The following NR6A1 variants were observed in gnomAD, a reference collection of about 807,000 sequenced individuals.
NR6A1 encodes the protein retinoic acid receptor-related testis-associated receptor.
In NR6A1, 7 loss-of-function variants were observed where a neutral mutation model predicts 59.1. The ratio of observed to expected loss-of-function variants is 0.12; its 90% CI spans 0.07 to 0.22. The LOEUF (loss-of-function observed/expected upper bound fraction) is 0.22. NR6A1 is among the 10% of genes least tolerant of loss of function. The pLI, the probability that NR6A1 is intolerant of heterozygous loss-of-function variation, is 1.00. For synonymous variants in NR6A1, 243 were observed against 236.1 expected (o/e 1.03, Z -0.27); for missense variants, 468 against 611.6 (o/e 0.77, Z 2.48).
intron 1 of NR6A1, among the ~76,000 whole-genome samples, chr9:124,767,631 C>T (rs1215158516): frequency 1.3e-5 from 2 of 151,666 alleles, no homozygotes; most frequent in African/African-American, 4.8e-5. Context: ...TGGGGCAACT[C>T]AGAATTAACT....
intron 2 of NR6A1, among the ~76,000 whole-genome samples, chr9:124,691,343 G>T (rs1838538075): frequency 6.6e-6 from 1 of 152,128 alleles, no homozygotes; most frequent in Admixed American, 6.5e-5. Context: ...CCATTTGGCT[G>T]CTTTAAAAAT....
Position 124,554,416 on chromosome 9 carries a change from G to C in NR6A1, c.297C>G (p.Asp99Glu). The C allele has an allele frequency of 6.2e-7, 1 of 1,614,170 alleles. No homozygotes were observed. Among genetic ancestry groups the C allele is most frequent in the African/African-American group, 1.3e-5 (1 of 75,038 alleles). ...CNKRVYRCSR[D>E]KNCVMSRKQR... is the part of the protein sequence containing the mutation. ...GCTTCCGAGACATGACACAGTTCTT[G>C]TCACGACTGCATCGATATACCCGTT... The change falls in exon 3 of 10, where the codon GAC (aspartate) becomes GAG (glutamate). Residue 99 changes from aspartate to glutamate, a missense_variant. By Grantham distance (45) the Asp-to-Glu change is conservative (BLOSUM62 2). Transcript: ENST00000487099.
chr9:124,545,698 G>T (rs1018094224), intron 3 of NR6A1, among the ~76,000 whole-genome samples: 1 of 152,160 alleles, frequency 6.6e-6, no homozygotes, highest in African/African-American at 2.4e-5. Flanking sequence ...TGTATTAATA[G>T]TTCGGCTGTT....
intron 2 of NR6A1, among the ~76,000 whole-genome samples, chr9:124,568,338 T>C (rs1834336637): frequency 6.6e-6 from 1 of 151,460 alleles, no homozygotes; most frequent in Non-Finnish European, 1.5e-5. Flanking sequence ...ATACAAAAAA[T>C]GAGCCGGGTG....
At chr9:124,750,022 T>C (rs1840450420) in intron 1 of NR6A1, among the ~76,000 whole-genome samples, 2 of 152,130 alleles carry the variant, frequency 1.3e-5, no homozygotes, top group Non-Finnish European at 2.9e-5. Context: ...GACCATACTA[T>C]TCAAAAAGTA....
chr9:124,615,896 A>T (rs1475253402), intron 2 of NR6A1, among the ~76,000 whole-genome samples: 1 of 151,954 alleles, frequency 6.6e-6, no homozygotes, highest in Non-Finnish European at 1.5e-5. Flanking sequence ...GTGCAGTGGC[A>T]CAATCTCCGC....
chr9:124,715,113 G>A (rs769747215), intron 2 of NR6A1, among the ~76,000 whole-genome samples: 12 of 151,532 alleles, frequency 7.9e-5, no homozygotes, highest in Non-Finnish European at 1.8e-4. Flanking sequence ...CAGGAGAATC[G>A]CTTGAACCCA....
At chr9:124,569,318 G>A (rs898814736) in intron 2 of NR6A1, among the ~76,000 whole-genome samples, 6 of 152,238 alleles carry the variant, frequency 3.9e-5, no homozygotes, top group Non-Finnish European at 8.8e-5. Flanking sequence ...TTACAAAAAG[G>A]CTTCATACTC....
At chr9:124,730,225 T>C (rs1839843736) in intron 2 of NR6A1, among the ~76,000 whole-genome samples, 1 of 152,210 alleles carries the variant, frequency 6.6e-6, no homozygotes, top group Admixed American at 6.5e-5. Flanking sequence ...ATACGCTAAG[T>C]ACAAATTTTT....
intron 2 of NR6A1, among the ~76,000 whole-genome samples, chr9:124,556,265 TAA>T (rs1208172924): frequency 6.6e-6 from 1 of 151,998 alleles, no homozygotes; most frequent in East Asian, 1.9e-4. Flanking sequence ...GAAGATCTGA[TAA>T]AGATAGTAGA....
At chr9:124,544,863 G>A (rs1833552097) in intron 3 of NR6A1, among the ~76,000 whole-genome samples, 1 of 152,160 alleles carries the variant, frequency 6.6e-6, no homozygotes, top group African/African-American at 2.4e-5. Context: ...GGGCACTGTG[G>A]TCATATTGGG....
At chr9:124,639,115 A>G (rs1836701522) in intron 2 of NR6A1, among the ~76,000 whole-genome samples, 1 of 152,180 alleles carries the variant, frequency 6.6e-6, no homozygotes, top group South Asian at 2.1e-4. Flanking sequence ...AACAAACTCT[A>G]TGGAACAAGT....
chr9:124,593,448 G>C (rs1237437058), intron 2 of NR6A1, among the ~76,000 whole-genome samples: 2 of 152,098 alleles, frequency 1.3e-5, no homozygotes, highest in Non-Finnish European at 2.9e-5. Context: ...GGGGGAGAGA[G>C]AGAAGAAAAA....
rs80014383 is a variant in NR6A1, at chr9:124,703,207, ATT to A, written c.142+30099_142+30100del. ...GGCGTGAGCCACCACACACGGCCACATTTTTTTTTTTTTTTTTTTTTTTGAGA... is the reference window on the plus strand; with the variant it reads ...GGCGTGAGCCACCACACACGGCCACATTTTTTTTTTTTTTTTTTTTTGAGA... On this transcript the variant is annotated intron_variant, in intron 2 of 9. Coordinates refer to ENST00000487099, the MANE Select transcript of NR6A1 (RefSeq NM_033334.4). Among the ~76,000 whole-genome samples, 67 of 104,554 alleles carry A rather than the reference ATT, an allele frequency of 6.4e-4. No homozygotes were observed. In the South Asian group the frequency reaches 0.015, roughly 24 times the overall value. 68.6% of individuals were successfully genotyped at this position (104,554 alleles called of 152,430 possible).
At chr9:124,670,934 G>A (rs1487802378) in intron 2 of NR6A1, among the ~76,000 whole-genome samples, 1 of 152,188 alleles carries the variant, frequency 6.6e-6, no homozygotes, top group African/African-American at 2.4e-5. Context: ...TGACCACAGT[G>A]GTGGCAGTAG....
At chr9:124,710,587 G>A (rs1839249479) in intron 2 of NR6A1, among the ~76,000 whole-genome samples, 1 of 152,196 alleles carries the variant, frequency 6.6e-6, no homozygotes. Flanking sequence ...GGATCTTCCT[G>A]GTGAATTAAT....
intron 1 of NR6A1, among the ~76,000 whole-genome samples, chr9:124,762,301 TCAC>T (rs1343689221): frequency 3.3e-5 from 5 of 152,162 alleles, no homozygotes; most frequent in African/African-American, 1.2e-4. Flanking sequence ...TTTAATAAAT[TCAC>T]GTTAGTACAA....
At chr9:124,538,980 G>A (rs1833365392) in intron 5 of NR6A1, among the ~76,000 whole-genome samples, 1 of 151,390 alleles carries the variant, frequency 6.6e-6, no homozygotes, top group African/African-American at 2.4e-5. Context: ...GGCTGAGGTG[G>A]AAGGATCACT....
intron 2 of NR6A1, among the ~76,000 whole-genome samples, chr9:124,577,991 G>T (rs1834654848): frequency 6.6e-6 from 1 of 152,172 alleles, no homozygotes; most frequent in South Asian, 2.1e-4. Flanking sequence ...AAGAACATTT[G>T]CTAAATGAAT....
Sources: gnomAD v4.1 joint callset for allele counts (sites outside exome capture counted in the v4.1 genomes callset) on GRCh38, gnomAD v4.1.1 for gene constraint, MANE v1.5 for transcripts, NCBI Gene and HGNC (gene_info 2026-07-23, HGNC 2026-07-21) for gene names.